ANXA8: variants seen among roughly 807,000 people sequenced by gnomAD.
ANXA8 encodes annexin A8.
A neutral mutation model predicts 26.8 loss-of-function variants in ANXA8; 9 were observed. The ratio of observed to expected loss-of-function variants is 0.34; its 90% CI spans 0.20 to 0.59. The LOEUF (loss-of-function observed/expected upper bound fraction) is 0.59. ANXA8 is among the 20% of genes least tolerant of loss of function. ANXA8 has a pLI of 0.84. For missense variants in ANXA8, 83 were observed against 238.5 expected (o/e 0.35, Z 4.29); for synonymous variants, 39 against 94.8 (o/e 0.41, Z 3.42).
At chr10:47,949,596 G>A in the ANXA8 span, among the ~76,000 whole-genome samples, 5 of 150,638 alleles carry the variant, frequency 3.3e-5, no homozygotes, top group Admixed American at 1.3e-4. Flanking sequence ...ACATATTAAA[G>A]CAAAATATGT....
chr10:47,750,707 G>T, the ANXA8 span, among the ~76,000 whole-genome samples: 1 of 129,404 alleles, frequency 7.7e-6, no homozygotes, highest in Non-Finnish European at 1.6e-5. Context: ...CAAAGTGCGG[G>T]GATAATAGAT....
chr10:47,497,964 C>A, the ANXA8 span, among the ~76,000 whole-genome samples: 4 of 152,012 alleles, frequency 2.6e-5, no homozygotes, highest in African/African-American at 7.3e-5. Context: ...AATAATAATT[C>A]TATTTTGAAT....
chr10:47,771,923 A>G, the ANXA8 span, among the ~76,000 whole-genome samples: 2 of 151,498 alleles, frequency 1.3e-5, no homozygotes, highest in Non-Finnish European at 1.5e-5. Context: ...GTTACAATTT[A>G]CAGTAAATCT....
the ANXA8 span, among the ~76,000 whole-genome samples, chr10:47,617,999 GA>G: frequency 1.9e-4 from 19 of 99,366 alleles, 2 homozygotes; most frequent in Non-Finnish European, 3.5e-4. Flanking sequence ...TGACTGGGGA[GA>G]AAAAAAAAAC....
chr10:47,946,461 C>T, the ANXA8 span, among the ~76,000 whole-genome samples: 1 of 150,354 alleles, frequency 6.7e-6, no homozygotes, highest in Non-Finnish European at 1.5e-5. Context: ...AAGGCCAGAG[C>T]CTGTCAGGCA....
At chr10:47,496,838 C>T in the ANXA8 span, among the ~76,000 whole-genome samples, 1 of 147,328 alleles carries the variant, frequency 6.8e-6, no homozygotes, top group Non-Finnish European at 1.5e-5. Context: ...TGGAATCCTT[C>T]CCAGTGCATT....
the ANXA8 span, among the ~76,000 whole-genome samples, chr10:47,969,265 G>A: frequency 2.0e-5 from 3 of 151,484 alleles, no homozygotes; most frequent in African/African-American, 4.8e-5. Context: ...AATTGTTTCA[G>A]CTTTCCAACT....
chr10:47,706,006 G>C, the ANXA8 span, among the ~76,000 whole-genome samples: 9,766 of 150,686 alleles, frequency 0.065, 412 homozygotes, highest in Non-Finnish European at 0.099. Flanking sequence ...CGTGTTGTGG[G>C]GGGGGAGGGG....
chr10:47,959,428 G>A, the ANXA8 span, among the ~76,000 whole-genome samples: 11 of 149,540 alleles, frequency 7.4e-5, no homozygotes, highest in Non-Finnish European at 1.6e-4. Flanking sequence ...GACCCACATT[G>A]GCCAGAGTGT....
the ANXA8 span, among the ~76,000 whole-genome samples, chr10:47,607,420 G>T: frequency 6.7e-6 from 1 of 149,868 alleles, no homozygotes; most frequent in South Asian, 2.1e-4. Context: ...TCATTCACTC[G>T]AATCTACTCT....
chr10:47,742,950 C>A, the ANXA8 span, among the ~76,000 whole-genome samples: 5 of 135,390 alleles, frequency 3.7e-5, no homozygotes, highest in Non-Finnish European at 7.9e-5. Flanking sequence ...GTCAGGAGAT[C>A]GAGACCATCC....
the ANXA8 span, among the ~76,000 whole-genome samples, chr10:47,776,164 C>T: frequency 1.3e-5 from 2 of 151,654 alleles, no homozygotes; most frequent in South Asian, 2.1e-4. Flanking sequence ...GAAGTTGTCT[C>T]GCCTATTCCT....
At chr10:47,681,710 AT>A in the ANXA8 span, among the ~76,000 whole-genome samples, 1 of 125,546 alleles carries the variant, frequency 8.0e-6, no homozygotes, top group African/African-American at 3.1e-5. Context: ...TTTTTAAAAA[AT>A]TTTTTGTAGC....
the ANXA8 span, among the ~76,000 whole-genome samples, chr10:47,904,298 A>T: frequency 2.1e-5 from 3 of 142,368 alleles, no homozygotes; most frequent in Admixed American, 2.1e-4. Flanking sequence ...AAGTGCTGTG[A>T]TTATGAGCAT....
At chr10:47,533,326 C>T in the ANXA8 span, among the ~76,000 whole-genome samples, 4 of 149,538 alleles carry the variant, frequency 2.7e-5, no homozygotes, top group African/African-American at 9.9e-5. Context: ...TTCTGGAGCC[C>T]CTTATCAGAT....
the ANXA8 span, among the ~76,000 whole-genome samples, chr10:47,666,982 CCAAATTTCCCATTTTCTTT>C: frequency 1.3e-5 from 2 of 152,024 alleles, no homozygotes; most frequent in African/African-American, 4.8e-5. Context: ...TATCAGTTGT[CCAAATTTCCCATTTTCTTT>C]CAAATTTCCC....
the ANXA8 span, among the ~76,000 whole-genome samples, chr10:47,989,385 G>A: frequency 1.7e-5 from 2 of 119,300 alleles, no homozygotes; most frequent in Non-Finnish European, 3.8e-5. Flanking sequence ...CATCCCTGAG[G>A]AGCATGCAGT....
chr10:47,779,004 A>G, the ANXA8 span, among the ~76,000 whole-genome samples: 1 of 151,774 alleles, frequency 6.6e-6, no homozygotes, highest in East Asian at 1.9e-4. Flanking sequence ...GAATTTCATA[A>G]CATCAGTTAT....
the ANXA8 span, among the ~76,000 whole-genome samples, chr10:47,701,734 G>C: frequency 6.6e-6 from 1 of 151,780 alleles, no homozygotes; most frequent in Non-Finnish European, 1.5e-5. Flanking sequence ...CCTACAGGGG[G>C]CACGTAGGAG....
Sources: allele counts gnomAD v4.1 joint callset (sites outside exome capture counted in the v4.1 genomes callset), GRCh38; gene constraint gnomAD v4.1.1; transcripts MANE v1.5; gene names NCBI Gene and HGNC (gene_info 2026-07-23, HGNC 2026-07-21).